ZNF786: variants seen among roughly 807,000 people sequenced by gnomAD.
ZNF786 encodes the protein zinc finger protein 786.
ZNF786 carries 56 observed loss-of-function variants against 63.1 expected under a neutral mutation model. That is an observed-to-expected ratio of 0.89 (90% confidence interval 0.72 to 1.11). The LOEUF (loss-of-function observed/expected upper bound fraction) is 1.11. ZNF786 is among the 50% of genes least tolerant of loss of function. The pLI, the probability that ZNF786 is intolerant of heterozygous loss-of-function variation, is 0.00. For missense variants in ZNF786, 1,213 were observed against 1,041.8 expected (o/e 1.16, Z -2.26); for synonymous variants, 485 against 406.9 (o/e 1.19, Z -2.31).
Position 149,070,924 on chromosome 7 carries a change from C to T in ZNF786, c.1848G>A (p.Thr616=), listed in dbSNP as rs572331975. The change falls in exon 4 of 4, where the codon ACG becomes ACA. Residue 616 remains threonine, a synonymous_variant. Coordinates refer to ENST00000491431, the MANE Select transcript of ZNF786 (RefSeq NM_152411.4). The part of the protein sequence containing the change: ...GQLLSHQRLH[T]GERPFQCPEC... Reference sequence around the variant, plus strand: ...CCGGACACTGGAAGGGCCTCTCTCCCGTGTGCAGGCGCTGATGGCTGAGCA... The same window carrying T: ...CCGGACACTGGAAGGGCCTCTCTCCTGTGTGCAGGCGCTGATGGCTGAGCA... 7.3e-5 allele frequency: 117 copies of T among 1,609,656 alleles called. No homozygotes were observed. Among genetic ancestry groups the T allele is most frequent in the Non-Finnish European group, 9.3e-5 (110 of 1,178,874 alleles).
rs368198393 is a variant in ZNF786, at chr7:149,070,538, G to C, written c.2234C>G (p.Ser745Cys). The stretch of plus-strand genomic sequence containing the variant: ...TACTCTGATGTGCTCCGCAAGCTTA[G>C]ACTTGTAAATGAAGCCCTTCCCACA... ...GDCGKGFIYKSKLAEHIRVHT... is the reference protein window; with the variant it reads ...GDCGKGFIYKCKLAEHIRVHT... The change falls in exon 4 of 4, where the codon TCT becomes TGT. Residue 745 changes from serine to cysteine, a missense_variant. Physicochemically the swap from Ser to Cys is moderately radical, Grantham distance 112. Transcript: ENST00000491431. 1 of 1,614,042 alleles carries C rather than the reference G, an allele frequency of 6.2e-7. No homozygotes were observed. The highest frequency in any genetic ancestry group is 8.5e-7 in the Non-Finnish European group (1 of 1,179,906).
intron 2 of ZNF786, among the ~76,000 whole-genome samples, chr7:149,079,868 A>G (rs1202474268): frequency 6.9e-6 from 1 of 145,220 alleles, no homozygotes; most frequent in East Asian, 2.3e-4. Context: ...CGCGCCCAGC[A>G]GACAGCTACT....
At chr7:149,079,190 C>G (rs1406206453) in intron 2 of ZNF786, among the ~76,000 whole-genome samples, 1 of 152,128 alleles carries the variant, frequency 6.6e-6, no homozygotes, top group African/African-American at 2.4e-5. Context: ...GGGCGGATCA[C>G]GAGGTCAGGA....
chr7:149,078,786 T>G lies in ZNF786; in HGVS notation c.145+1805A>C, dbSNP rs116943780. On this transcript the variant is annotated intron_variant, in intron 2 of 3. Transcript: ENST00000491431. ...GGCTGTTGTCAACTGGCAGAAGAGA[T>G]GAAGAGAAATACTAGAGAACTAATT... Among the ~76,000 whole-genome samples, 1,274 of 152,216 alleles carry G rather than the reference T, an allele frequency of 8.4e-3. 11 individuals are homozygous for G. The highest frequency in any genetic ancestry group is 0.015 in the Non-Finnish European group (991 of 68,020).
rs762850364 is a variant in ZNF786 at position 149,070,997 on chromosome 7, G to A, written c.1775C>T (p.Pro592Leu). Residue 592 changes from proline (P) to leucine (L), a missense_variant, in exon 4 of 4, where the codon CCC becomes CTC. Pro to Leu is a moderately conservative substitution (Grantham distance 98, BLOSUM62 -3). Transcript: ENST00000491431. ...CCTGTTGCACTCTGGGCACTGGAAGGGTCTCTCCCCGCTGTGCACGCGCAA... is the reference window on the plus strand; with the variant it reads ...CCTGTTGCACTCTGGGCACTGGAAGAGTCTCTCCCCGCTGTGCACGCGCAA... ...EHLRVHSGER[P>L]FQCPECNRSF... is the part of the protein sequence containing the mutation. The A allele has an allele frequency of 2.5e-6, 4 of 1,613,068 alleles. No homozygotes were observed. The highest frequency in any genetic ancestry group is 3.4e-6 in the Non-Finnish European group (4 of 1,179,976).
intron 2 of ZNF786, among the ~76,000 whole-genome samples, chr7:149,080,215 G>T (rs1193856196): frequency 6.6e-6 from 1 of 152,038 alleles, no homozygotes; most frequent in African/African-American, 2.4e-5. Context: ...GAAGTATTTA[G>T]ACCCCACTGT....
chr7:149,084,873 A>G (rs1563140205), intron 1 of ZNF786, among the ~76,000 whole-genome samples: 1 of 152,176 alleles, frequency 6.6e-6, no homozygotes, highest in Non-Finnish European at 1.5e-5. Context: ...GCCAGGGCCT[A>G]TGTCCAGAAT....
Position 149,071,469 on chromosome 7 carries a change from C to A in ZNF786, c.1303G>T (p.Ala435Ser), listed in dbSNP as rs1425891355. ...TGCTCCGTGAGTTTACACTGCTTGGCGAAGCCCTTGCCACACTTCCTGCAG... is the reference window on the plus strand; with the variant it reads ...TGCTCCGTGAGTTTACACTGCTTGGAGAAGCCCTTGCCACACTTCCTGCAG... ...FSCRKCGKGFAKQCKLTEHIR... is the reference protein window; with the variant it reads ...FSCRKCGKGFSKQCKLTEHIR... The change falls in exon 4 of 4, where the codon GCC becomes TCC. Residue 435 changes from alanine to serine, a missense_variant. By Grantham distance (99) the Ala-to-Ser change is moderately conservative. Transcript: ENST00000491431. 1 of 1,597,374 alleles carries A rather than the reference C, an allele frequency of 6.3e-7. No homozygotes were observed. Among genetic ancestry groups the A allele is most frequent in the South Asian group, 1.1e-5 (1 of 89,126 alleles).
At position 149,071,429 on chromosome 7, in the gene ZNF786, C is replaced by T. The variant is rs758557109; in HGVS notation, c.1343G>A (p.Ser448Asn). ...GGCACACCGGAAAGGCTTCTCTCCG[C>T]TGTGGACTCGAATGTGCTCCGTGAG... ...CKLTEHIRVH[S>N]GEKPFRCAKC... Residue 448 changes from serine (S) to asparagine (N), a missense_variant, in exon 4 of 4, where the codon AGC becomes AAC. Transcript: ENST00000491431. The T allele has an allele frequency of 1.9e-6, 3 of 1,613,472 alleles. No individual in the cohort carries two copies. The highest frequency in any genetic ancestry group is 1.1e-5 in the South Asian group (1 of 91,062).
intron 2 of ZNF786, among the ~76,000 whole-genome samples, chr7:149,075,970 G>C: frequency 6.6e-6 from 1 of 151,664 alleles, no homozygotes. Flanking sequence ...GTCTACTTCA[G>C]GTTTTTTGAA....
chr7:149,072,103 C>A lies in ZNF786; in HGVS notation c.669G>T (p.Lys223Asn), dbSNP rs749362130. ...TCCACGGCATCTGCGTCTCCGCCCT[C>A]TTGTTGAATTTCTCCCAGGCCCTAC... ...RTRRAWEKFN[K>N]RAETQMPWSS... Residue 223 changes from lysine to asparagine, a missense_variant, in exon 4 of 4, where the codon AAG becomes AAT. Coordinates refer to ENST00000491431, the MANE Select transcript of ZNF786 (RefSeq NM_152411.4). The A allele has an allele frequency of 8.7e-6, 14 of 1,613,134 alleles. No individual in the cohort carries two copies. Among genetic ancestry groups the A allele is most frequent in the Non-Finnish European group, 1.1e-5 (13 of 1,179,706 alleles).
chr7:149,073,745 G>GTA (rs1554452327), intron 3 of ZNF786, among the ~76,000 whole-genome samples: 27 of 67,744 alleles, frequency 4.0e-4, no homozygotes, highest in Non-Finnish European at 5.3e-4. Flanking sequence ...GTGTGTGTGT[G>GTA]TGTATATATA....
chr7:149,074,573 C>T (rs2129514614), intron 2 of ZNF786, 35 bp from the exon 3 acceptor site: 2 of 1,595,486 alleles, frequency 1.3e-6, no homozygotes, highest in Non-Finnish European at 1.7e-6. Flanking sequence ...AGTTTGGCTT[C>T]CTGAATTTAA....
In ZNF786 at chr7:149,070,289, T is replaced by A; in HGVS notation, c.*134A>T. ...AATCCTTTGTGGTTCTTCATATTCC[T>A]AACTTGCATGACACTCTTGCTCAAA... is the stretch of plus-strand genomic sequence containing the variant. On this transcript the variant is annotated 3_prime_UTR_variant, in exon 4 of 4. Coordinates refer to ENST00000491431, the MANE Select transcript of ZNF786 (RefSeq NM_152411.4). The A allele has an allele frequency of 8.8e-7, 1 of 1,137,444 alleles. No homozygotes were observed. The allele number at this position is 1,137,444 out of a possible 1,614,324, so 70.5% of individuals were successfully genotyped here. A position where few individuals can be genotyped will look rare whatever the true frequency, so the allele number is the denominator to read the frequency against.
At chr7:149,083,536 A>G (rs1825685232) in intron 1 of ZNF786, among the ~76,000 whole-genome samples, 1 of 151,394 alleles carries the variant, frequency 6.6e-6, no homozygotes, top group Non-Finnish European at 1.5e-5. Flanking sequence ...TTATTTATTT[A>G]TTTGTTTATT....
chr7:149,082,030 G>A (rs1412923449), intron 1 of ZNF786, among the ~76,000 whole-genome samples: 1 of 152,156 alleles, frequency 6.6e-6, no homozygotes, highest in African/African-American at 2.4e-5. Flanking sequence ...AAATGCCTAG[G>A]CATTCGCTTG....
chr7:149,072,597 C>G, intron 3 of ZNF786, 124 bp from the exon 4 acceptor site: 1 of 1,105,112 alleles, frequency 9.0e-7, no homozygotes, highest in Non-Finnish European at 1.3e-6. Flanking sequence ...ACTGAGCTAC[C>G]CAACCATGCA....
At chr7:149,074,989 C>G (rs1451823134) in intron 2 of ZNF786, among the ~76,000 whole-genome samples, 2 of 151,898 alleles carry the variant, frequency 1.3e-5, no homozygotes, top group African/African-American at 4.8e-5. Context: ...ACCACCAGGC[C>G]AAGCTAATTT....
intron 2 of ZNF786, among the ~76,000 whole-genome samples, chr7:149,076,181 C>G (rs919396299): frequency 2.0e-5 from 3 of 151,866 alleles, no homozygotes; most frequent in Non-Finnish European, 4.4e-5. Flanking sequence ...ATGGCGCGAT[C>G]TCAGCTCACC....
Sources: allele counts gnomAD v4.1 joint callset (sites outside exome capture counted in the v4.1 genomes callset), GRCh38; gene constraint gnomAD v4.1.1; transcripts MANE v1.5; gene names NCBI Gene and HGNC (gene_info 2026-07-23, HGNC 2026-07-21).